Variants in CCDC7 observed in about 807,000 individuals in gnomAD.
CCDC7 encodes the protein coiled-coil domain containing 7, also known as coiled-coil domain-containing protein 7.
In CCDC7, 183 loss-of-function variants were observed where a neutral mutation model predicts 196.9. That is an observed-to-expected ratio of 0.93 (90% CI 0.82 to 1.05). The LOEUF (loss-of-function observed/expected upper bound fraction) is 1.05. Ranked by LOEUF, CCDC7 falls within the 50% of genes least tolerant of loss-of-function variation. CCDC7 has a pLI of 0.00. For missense variants in CCDC7, 1,540 were observed against 1,482.2 expected (o/e 1.04, Z -0.64); for synonymous variants, 525 against 484.6 (o/e 1.08, Z -1.10).
At chr10:32,560,503 G>C (rs2055304235) in intron 13 of CCDC7, among the ~76,000 whole-genome samples, 2 of 152,256 alleles carry the variant, frequency 1.3e-5, no homozygotes, top group South Asian at 4.1e-4. Flanking sequence ...CCAGAAGAGA[G>C]TGGGGGCCAA....
intron 28 of CCDC7, among the ~76,000 whole-genome samples, chr10:32,764,688 A>T (rs1004276611): frequency 6.6e-6 from 1 of 152,020 alleles, no homozygotes; most frequent in African/African-American, 2.4e-5. Context: ...GGTCCAGAGG[A>T]CACACCTTTC....
intron 41 of CCDC7, among the ~76,000 whole-genome samples, chr10:32,858,140 G>A (rs1427238519): frequency 2.0e-5 from 3 of 152,116 alleles, no homozygotes; most frequent in South Asian, 2.1e-4. Flanking sequence ...AATTAAAAGC[G>A]TTTCAACAAA....
chr10:32,565,441 G>C, intron 13 of CCDC7, 117 bp from the exon 15 acceptor site: 8 of 1,041,270 alleles, frequency 7.7e-6, no homozygotes, highest in Non-Finnish European at 1.1e-5. Context: ...GCAGTTCAAT[G>C]TCTATGCTCA....
At chr10:32,721,717 T>A (rs1034448949) in intron 25 of CCDC7, among the ~76,000 whole-genome samples, 1 of 152,104 alleles carries the variant, frequency 6.6e-6, no homozygotes, top group East Asian at 1.9e-4. Context: ...GGGTTTTAGG[T>A]CTTTGTACCT....
intron 20 of CCDC7, among the ~76,000 whole-genome samples, chr10:32,640,628 T>G (rs2066570547): frequency 2.0e-5 from 3 of 152,158 alleles, no homozygotes; most frequent in African/African-American, 7.2e-5. Context: ...ATTTGGCCTG[T>G]TTTTGCAGTG....
intron 31 of CCDC7, among the ~76,000 whole-genome samples, chr10:32,815,299 C>CTAA (rs1200608163): frequency 7.3e-5 from 11 of 151,684 alleles, no homozygotes; most frequent in Admixed American, 5.9e-4. Context: ...ACAAAGTAGT[C>CTAA]TAATAATAAT....
Position 32,645,279 on chromosome 10 carries a change from C to G in CCDC7, c.2014+10121C>G, listed in dbSNP as rs887707870. 3.5e-4 allele frequency among the ~76,000 whole-genome samples: 53 copies of G among 152,088 alleles called. 1 individual carries two copies. Among genetic ancestry groups the G allele is most frequent in the Admixed American group, 1.4e-3 (22 of 15,258 alleles). On this transcript the variant is annotated intron_variant, in intron 20 of 41. Transcript: ENST00000639629. Reference sequence around the variant, plus strand: ...AAATTAGTGTAAACACTATGGAAATCAGTATGTTTTTTGTCCTTTATTCTG... The same window carrying G: ...AAATTAGTGTAAACACTATGGAAATGAGTATGTTTTTTGTCCTTTATTCTG...
At chr10:32,577,549 A>G (rs1379199121) in intron 16 of CCDC7, among the ~76,000 whole-genome samples, 1 of 152,124 alleles carries the variant, frequency 6.6e-6, no homozygotes, top group African/African-American at 2.4e-5. Context: ...TGGGATCTCA[A>G]CAACTCACCA....
intron 28 of CCDC7, among the ~76,000 whole-genome samples, chr10:32,761,881 C>T (rs1230629182): frequency 2.6e-5 from 4 of 151,926 alleles, no homozygotes; most frequent in Non-Finnish European, 5.9e-5. Context: ...TTTGTAGAGA[C>T]TGATGTCAGC....
chr10:32,525,396 C>G (rs1367754860), intron 11 of CCDC7, among the ~76,000 whole-genome samples: 1 of 152,094 alleles, frequency 6.6e-6, no homozygotes, highest in Non-Finnish European at 1.5e-5. Flanking sequence ...CTGCTTGATT[C>G]TTTTAAAATA....
chr10:32,823,147 GC>G lies in CCDC7; in HGVS notation c.3182-1370del, dbSNP rs374634581. Among the ~76,000 whole-genome samples, 135 of 150,700 alleles carry G rather than the reference GC, an allele frequency of 9.0e-4. No homozygotes were observed. The Middle Eastern group carries it at 0.021, about 23-fold the overall frequency. On this transcript the variant is annotated intron_variant, in intron 31 of 41. Transcript: ENST00000639629. ...GAAAACTCGTTTTGTCCAATATGATGCTTTTTTTTTTTTGAGATGGTGTCTT... is the reference window on the plus strand; with the variant it reads ...GAAAACTCGTTTTGTCCAATATGATGTTTTTTTTTTTTGAGATGGTGTCTT...
rs1215516459 is a variant in CCDC7 at position 32,567,790 on chromosome 10, G to A, written c.1318G>A (p.Glu440Lys). Residue 440 changes from glutamate (E) to lysine (K), a missense_variant, in exon 15 of 42, where the codon GAA becomes AAA. By Grantham distance (56) the Glu-to-Lys change is moderately conservative. Coordinates refer to ENST00000639629, the Ensembl canonical transcript of CCDC7. ...TAATAGTCAAACAAAAGTTAAAGGT[G>A]AAGATTCAAAAAATATACCATTGGA... The A allele has an allele frequency of 2.5e-6, 4 of 1,613,452 alleles. No individual in the cohort carries two copies. In the East Asian group the frequency reaches 6.7e-5, roughly 27 times the overall value.
intron 23 of CCDC7, among the ~76,000 whole-genome samples, chr10:32,694,087 A>G (rs1269893409): frequency 6.6e-6 from 1 of 152,246 alleles, no homozygotes; most frequent in Non-Finnish European, 1.5e-5. Flanking sequence ...TTTAAATTAT[A>G]TGATGGGAGG....
chr10:32,732,596 A>G (rs563905415), intron 28 of CCDC7, among the ~76,000 whole-genome samples: 1 of 152,032 alleles, frequency 6.6e-6, no homozygotes, highest in African/African-American at 2.4e-5. Context: ...GCTTTTTTTT[A>G]TATACATACA....
At chr10:32,784,366 C>T (rs1215011683) in intron 29 of CCDC7, among the ~76,000 whole-genome samples, 2 of 152,036 alleles carry the variant, frequency 1.3e-5, no homozygotes, top group Non-Finnish European at 2.9e-5. Flanking sequence ...TTTCCTAATG[C>T]TGTACCGCAC....
intron 30 of CCDC7, among the ~76,000 whole-genome samples, chr10:32,805,437 C>T (rs532509151): frequency 6.6e-6 from 1 of 152,220 alleles, no homozygotes; most frequent in South Asian, 2.1e-4. Flanking sequence ...TTTGCAAAAG[C>T]GGAAAGGCTA....
intron 17 of CCDC7, among the ~76,000 whole-genome samples, chr10:32,583,566 A>G (rs1311150390): frequency 6.7e-6 from 1 of 149,692 alleles, no homozygotes; most frequent in Non-Finnish European, 1.5e-5. Context: ...TAATGGTAAT[A>G]TAAAAGATAT....
At chr10:32,485,721 A>AACATCTTT (rs1242354020) in intron 8 of CCDC7, among the ~76,000 whole-genome samples, 1 of 152,200 alleles carries the variant, frequency 6.6e-6, no homozygotes, top group Non-Finnish European at 1.5e-5. Flanking sequence ...GGTTTCAAAG[A>AACATCTTT]ACATCTTTAT....
intron 8 of CCDC7, among the ~76,000 whole-genome samples, chr10:32,484,409 G>A (rs1232890773): frequency 6.6e-6 from 1 of 152,068 alleles, no homozygotes; most frequent in African/African-American, 2.4e-5. Context: ...GAGACGATGG[G>A]GTTTTCTAAA....
Sources: gnomAD v4.1 joint callset for allele counts (sites outside exome capture counted in the v4.1 genomes callset) on GRCh38, gnomAD v4.1.1 for gene constraint, MANE v1.5 for transcripts, NCBI Gene and HGNC (gene_info 2026-07-23, HGNC 2026-07-21) for gene names.